Variants in AFF4 observed in about 807,000 individuals in gnomAD.
AFF4 encodes the protein AF4/FMR2 family member 4.
Under a neutral mutation model 124.8 loss-of-function variants are expected in AFF4, and 13 were observed. The observed-to-expected ratio is 0.10, with a 90% CI of 0.07 to 0.17. The LOEUF is 0.17. AFF4 is among the 10% of genes least tolerant of loss of function. The pLI, the probability that AFF4 is intolerant of heterozygous loss-of-function variation, is 1.00. For synonymous variants in AFF4, 477 were observed against 496.1 expected (o/e 0.96, Z 0.51); for missense variants, 1,092 against 1,403.8 (o/e 0.78, Z 3.55).
chr5:132,957,637 G>A (rs980456528), intron 1 of AFF4, among the ~76,000 whole-genome samples: 2 of 151,944 alleles, frequency 1.3e-5, no homozygotes, highest in East Asian at 1.9e-4. Flanking sequence ...AGGAGGCTGG[G>A]GCAGGACTGC....
chr5:132,912,812 G>A (rs1164542227), intron 5 of AFF4, among the ~76,000 whole-genome samples: 1 of 151,530 alleles, frequency 6.6e-6, no homozygotes, highest in Non-Finnish European at 1.5e-5. Flanking sequence ...AGCAGAAAAG[G>A]ATGGTATAAA....
intron 18 of AFF4, among the ~76,000 whole-genome samples, chr5:132,885,681 G>A (rs552424998): frequency 6.6e-6 from 1 of 152,256 alleles, no homozygotes; most frequent in Admixed American, 6.5e-5. Flanking sequence ...GCAGATTTTA[G>A]GAGGATTTAT....
intron 4 of AFF4, chr5:132,927,522 G>C (rs1439991040): frequency 3.7e-6 from 1 of 266,996 alleles, no homozygotes; most frequent in Non-Finnish European, 7.1e-6. Flanking sequence ...TGCTAGGAGA[G>C]TGGGAGGAAG....
Position 132,878,767 on chromosome 5 carries a change from T to C in AFF4, c.*2292A>G. The C allele has an allele frequency of 4.4e-6, 1 of 224,878 alleles. No individual in the cohort carries two copies. The highest frequency in any genetic ancestry group is 8.9e-6 in the Non-Finnish European group (1 of 112,662). 13.9% of individuals were successfully genotyped at this position (224,878 alleles called of 1,614,324 possible). A position where few individuals can be genotyped will look rare whatever the true frequency, so the allele number is the denominator to read the frequency against. ...CCATAAACCATGCAGGAAACTCTGC[T>C]TTAACAAAATATCAGTGTGACCCCA... On this transcript the variant is annotated 3_prime_UTR_variant, in exon 21 of 21. Coordinates refer to ENST00000265343, the MANE Select transcript of AFF4 (RefSeq NM_014423.4).
intron 1 of AFF4, among the ~76,000 whole-genome samples, chr5:132,962,394 T>C (rs1762099029): frequency 6.6e-6 from 1 of 152,194 alleles, no homozygotes; most frequent in African/African-American, 2.4e-5. Context: ...AACCGCATAA[T>C]TCTGAATTAC....
intron 7 of AFF4, chr5:132,900,948 T>C: frequency 8.1e-6 from 8 of 985,178 alleles, no homozygotes; most frequent in Non-Finnish European, 9.6e-6. Context: ...CTTGTACTTT[T>C]CCTCCTCAAA....
chr5:132,893,059 T>C lies in AFF4; in HGVS notation c.2367A>G (p.Ser789=), dbSNP rs1760302855. Residue 789 remains serine (S), a synonymous_variant, in exon 12 of 21, where the codon TCA becomes TCG. Coordinates refer to ENST00000265343, the MANE Select transcript of AFF4 (RefSeq NM_014423.4). ...SKKPKTEDKN[S]AGHKPSSNRE... ...TGTTGCTGGATGGCTTATGGCCTGC[T>C]GAATTCTTGTCCTCCGTTTTGGGTT... The C allele has an allele frequency of 6.2e-7, 1 of 1,614,156 alleles. No individual in the cohort carries two copies. The highest frequency in any genetic ancestry group is 1.1e-5 in the South Asian group (1 of 91,082).
At chr5:132,897,314 A>G in intron 10 of AFF4, 74 bp from the exon 11 acceptor site, 2 of 1,491,658 alleles carry the variant, frequency 1.3e-6, no homozygotes, top group Non-Finnish European at 1.8e-6. Context: ...TTACAACCTC[A>G]AAGAAGAGGA....
intron 12 of AFF4, among the ~76,000 whole-genome samples, 153 bp from the exon 13 acceptor site, chr5:132,892,557 A>C (rs1041544259): frequency 3.9e-5 from 6 of 152,190 alleles, no homozygotes; most frequent in Non-Finnish European, 7.3e-5. Context: ...TAAGACTGTA[A>C]ATTCCATGAA....
At chr5:132,914,784 T>TA (rs1362722268) in intron 5 of AFF4, among the ~76,000 whole-genome samples, 6 of 152,076 alleles carry the variant, frequency 3.9e-5, no homozygotes, top group Non-Finnish European at 7.4e-5. Flanking sequence ...GAATAGGGAA[T>TA]AAGAGAAGTG....
intron 1 of AFF4, among the ~76,000 whole-genome samples, chr5:132,945,836 G>A (rs10463898): frequency 0.12 from 17,538 of 152,120 alleles, 1,286 homozygotes; most frequent in South Asian, 0.2. Flanking sequence ...TGAGGCAGGC[G>A]GATCATCTGA....
In AFF4 at chr5:132,963,388, G is replaced by T; in HGVS notation, c.-134C>A. 2.5e-6 allele frequency: 1 copy of T among 397,990 alleles called. No individual in the cohort carries two copies. The highest frequency in any genetic ancestry group is 1.3e-4 in the South Asian group (1 of 7,888). The allele number at this position is 397,990 out of a possible 1,614,324, so 24.7% of individuals were successfully genotyped here. On this transcript the variant is annotated 5_prime_UTR_variant, in exon 1 of 21. Coordinates refer to ENST00000265343, the MANE Select transcript of AFF4 (RefSeq NM_014423.4). The stretch of plus-strand genomic sequence containing the variant: ...GGTGACAGGCTGCCAAGGGCGAGGG[G>T]CTCCGGGAGGCGGCGGGGGTTCCGG...
intron 1 of AFF4, among the ~76,000 whole-genome samples, chr5:132,946,144 G>C (rs918103171): frequency 6.6e-6 from 1 of 152,178 alleles, no homozygotes; most frequent in Admixed American, 6.5e-5. Flanking sequence ...GGATGGCTAT[G>C]ATAAAAACAA....
At chr5:132,923,928 T>A (rs1226402333) in intron 5 of AFF4, among the ~76,000 whole-genome samples, 1 of 152,130 alleles carries the variant, frequency 6.6e-6, no homozygotes, top group Non-Finnish European at 1.5e-5. Flanking sequence ...AATTTTGGTG[T>A]TTCCATATAA....
At position 132,937,076 on chromosome 5, in the gene AFF4, T is replaced by C. The variant is rs1165402188; in HGVS notation, c.114A>G (p.Pro38=). Residue 38 remains proline (P), a synonymous_variant, in exon 2 of 21, where the codon CCA becomes CCG. Coordinates refer to ENST00000265343, the MANE Select transcript of AFF4 (RefSeq NM_014423.4). ...FPPSSPLFAE[P]YKVTSKEDKL... is the part of the protein sequence containing the mutation. ...CAGAAGGGCAACTTACAACTTTGTATGGCTCTGCAAAGAGAGGAGAGCTAG... is the reference window on the plus strand; with the variant it reads ...CAGAAGGGCAACTTACAACTTTGTACGGCTCTGCAAAGAGAGGAGAGCTAG... 6.2e-7 allele frequency: 1 copy of C among 1,611,112 alleles called. No homozygotes were observed. The highest frequency in any genetic ancestry group is 2.2e-5 in the East Asian group (1 of 44,828).
intron 5 of AFF4, among the ~76,000 whole-genome samples, chr5:132,907,142 C>T (rs561279431): frequency 6.6e-6 from 1 of 152,098 alleles, no homozygotes; most frequent in Admixed American, 6.5e-5. Context: ...AAGGCGAGAC[C>T]ATCTGAACCG....
At chr5:132,921,175 T>A (rs1761035619) in intron 5 of AFF4, among the ~76,000 whole-genome samples, 1 of 148,876 alleles carries the variant, frequency 6.7e-6, no homozygotes, top group Non-Finnish European at 1.5e-5. Flanking sequence ...GGGCAAAATA[T>A]TCAGACACTG....
chr5:132,898,244 T>C lies in AFF4; in HGVS notation c.1375A>G (p.Ser459Gly). 6.2e-7 allele frequency: 1 copy of C among 1,614,202 alleles called. No homozygotes were observed. The highest frequency in any genetic ancestry group is 2.2e-5 in the East Asian group (1 of 44,880). ...CTCTGTCTCACCTCGGGAGATGCAC[T>C]CTGGGATGGCTCATTTGCCTCACTG... ...SDSEANEPSQ[S>G]ASPEPEPPPT... Residue 459 changes from serine (S) to glycine (G), a missense_variant, in exon 10 of 21, where the codon AGT (serine) becomes GGT (glycine). Ser to Gly is a moderately conservative substitution (Grantham distance 56, BLOSUM62 0). Around this residue, in one of 11 missense-constraint regions of AFF4, gnomAD observed 18 missense variants for 16.7 expected, o/e 1.08. Coordinates refer to ENST00000265343, the MANE Select transcript of AFF4 (RefSeq NM_014423.4).
At chr5:132,885,465 A>AG in intron 18 of AFF4, among the ~76,000 whole-genome samples, 1 of 2,892 alleles carries the variant, frequency 3.5e-4, no homozygotes, top group Non-Finnish European at 7.0e-4. Flanking sequence ...CTCTTAAAAA[A>AG]GGGGTGGGTG....
Sources: gnomAD v4.1 joint callset for allele counts (sites outside exome capture counted in the v4.1 genomes callset) on GRCh38, gnomAD v4.1.1 for gene constraint, gnomAD v4.1.1 regional missense constraint, MANE v1.5 for transcripts, NCBI Gene and HGNC (gene_info 2026-07-23, HGNC 2026-07-21) for gene names.